Variants in COLGALT2 observed in about 807,000 individuals in gnomAD.
The protein encoded by COLGALT2 is procollagen galactosyltransferase 2.
A neutral mutation model predicts 73.4 loss-of-function variants in COLGALT2; 49 were observed. The ratio of observed to expected loss-of-function variants is 0.67; its 90% confidence interval spans 0.53 to 0.85. COLGALT2 has a LOEUF of 0.85. COLGALT2 is among the 40% of genes least tolerant of loss of function. The probability of loss-of-function intolerance (pLI) is 0.00; values close to 1 mark genes in which losing one functional copy is unlikely to be tolerated. For synonymous variants in COLGALT2, 295 were observed against 307.6 expected (o/e 0.96, Z 0.43); for missense variants, 722 against 790.2 (o/e 0.91, Z 1.03).
intron 1 of COLGALT2, among the ~76,000 whole-genome samples, chr1:184,009,379 A>G (rs1411073759): frequency 6.6e-6 from 1 of 152,224 alleles, no homozygotes; most frequent in Non-Finnish European, 1.5e-5. Context: ...AGGGTGAGGT[A>G]TAAGTACAAT....
chr1:184,032,761 G>C (rs888477209), intron 1 of COLGALT2, among the ~76,000 whole-genome samples: 4 of 152,150 alleles, frequency 2.6e-5, no homozygotes, highest in African/African-American at 9.7e-5. Flanking sequence ...CTTACCACTG[G>C]TGCTGAAAAA....
intron 1 of COLGALT2, among the ~76,000 whole-genome samples, chr1:184,032,811 G>C (rs556158510): frequency 6.6e-6 from 1 of 152,310 alleles, no homozygotes; most frequent in East Asian, 1.9e-4. Context: ...TAAACACAAA[G>C]TATATTAGTA....
chr1:183,950,086 A>G (rs1434936886), intron 8 of COLGALT2, among the ~76,000 whole-genome samples: 4 of 152,216 alleles, frequency 2.6e-5, no homozygotes, highest in African/African-American at 7.2e-5. Context: ...GATGTTTGGG[A>G]CAAATTTAAC....
intron 1 of COLGALT2, among the ~76,000 whole-genome samples, chr1:184,015,649 C>T (rs1029737112): frequency 6.6e-6 from 1 of 152,204 alleles, no homozygotes; most frequent in African/African-American, 2.4e-5. Flanking sequence ...TGAGATCCCA[C>T]GCAACAGATC....
chr1:183,938,652 G>A lies in COLGALT2; in HGVS notation c.*109C>T, dbSNP rs1380863584. ...ACTAGATCACTTTGGTTAGATGACT[G>A]TGACCACTAAGAACAAAACAAAACA... On this transcript the variant is annotated 3_prime_UTR_variant, in exon 12 of 12. Transcript: ENST00000361927. The A allele has an allele frequency of 6.7e-7, 1 of 1,489,024 alleles. No individual in the cohort carries two copies. Among genetic ancestry groups the A allele is most frequent in the African/African-American group, 1.4e-5 (1 of 71,422 alleles). 92.2% of individuals were successfully genotyped at this position (1,489,024 alleles called of 1,614,324 possible). A position where few individuals can be genotyped will look rare whatever the true frequency, so the allele number is the denominator to read the frequency against.
intron 1 of COLGALT2, among the ~76,000 whole-genome samples, chr1:183,992,000 T>C (rs1241348287): frequency 6.6e-6 from 1 of 152,132 alleles, no homozygotes; most frequent in Non-Finnish European, 1.5e-5. Context: ...AGCATATAGA[T>C]GTGTTGCTGT....
In COLGALT2 at chr1:183,938,892, C is replaced by A; in HGVS notation, c.1750G>T (p.Ala584Ser). 1 of 1,614,140 alleles carries A rather than the reference C, an allele frequency of 6.2e-7. No individual in the cohort carries two copies. Residue 584 changes from alanine (A) to serine (S), a missense_variant, in exon 12 of 12, where the codon GCC (alanine) becomes TCC (serine). By Grantham distance (99) the Ala-to-Ser change is moderately conservative. Coordinates refer to ENST00000361927, the MANE Select transcript of COLGALT2 (RefSeq NM_015101.4). Reference protein sequence around the residue: ...TSTIWDNETVATDWDRTHAWK... With the variant: ...TSTIWDNETVSTDWDRTHAWK... ...GCATGTGTCCTATCCCAGTCGGTGG[C>A]CACTGTCTCATTGTCCCAGATGGTG...
chr1:183,969,589 C>A (rs994685304), intron 4 of COLGALT2, 116 bp from the exon 5 acceptor site: 1 of 797,012 alleles, frequency 1.3e-6, no homozygotes, highest in South Asian at 2.3e-5. Flanking sequence ...AGCTCCCAAA[C>A]AAAGCCACCT....
chr1:184,004,051 C>T (rs1020104041), intron 1 of COLGALT2, among the ~76,000 whole-genome samples: 4 of 152,114 alleles, frequency 2.6e-5, no homozygotes, highest in Admixed American at 1.3e-4. Flanking sequence ...AGAAAACCAC[C>T]ACCATGCAGG....
intron 2 of COLGALT2, among the ~76,000 whole-genome samples, chr1:183,977,321 A>C (rs1671223238): frequency 6.6e-6 from 1 of 151,920 alleles, no homozygotes; most frequent in Non-Finnish European, 1.5e-5. Flanking sequence ...AATACAAAAA[A>C]ATAGCTGGGT....
chr1:184,018,007 G>A (rs1341163143), intron 1 of COLGALT2, among the ~76,000 whole-genome samples: 2 of 152,090 alleles, frequency 1.3e-5, no homozygotes, highest in Non-Finnish European at 2.9e-5. Context: ...AGCAAAAGAT[G>A]TTATAAATTG....
Position 184,036,793 on chromosome 1 carries a change from C to T in COLGALT2, c.263+302G>A, listed in dbSNP as rs140740641. On this transcript the variant is annotated intron_variant, in intron 1 of 11. Coordinates refer to ENST00000361927, the MANE Select transcript of COLGALT2 (RefSeq NM_015101.4). ...AACTGAAAGTCCCCTTGAGGGGTGT[C>T]CCCCATGCCCCTTGTGGGACAAAGC... Among the ~76,000 whole-genome samples the T allele has an allele frequency of 3.3e-3, 500 of 152,322 alleles. 11 individuals carry two copies. The highest frequency in any genetic ancestry group is 0.026 in the Admixed American group (391 of 15,306).
Position 183,938,902 on chromosome 1 carries a change from A to G in COLGALT2, c.1740T>C (p.Asn580=). ...TATCCCAGTCGGTGGCCACTGTCTC[A>G]TTGTCCCAGATGGTGGAGGTCTCCG... ...SDTETSTIWD[N]ETVATDWDRT... Residue 580 remains asparagine, a synonymous_variant, in exon 12 of 12, where the codon AAT becomes AAC. Coordinates refer to ENST00000361927, the MANE Select transcript of COLGALT2 (RefSeq NM_015101.4). 1 of 1,613,986 alleles carries G rather than the reference A, an allele frequency of 6.2e-7. No homozygotes were observed. The highest frequency in any genetic ancestry group is 8.5e-7 in the Non-Finnish European group (1 of 1,179,964).
chr1:183,969,326 C>T lies in COLGALT2; in HGVS notation c.775G>A (p.Asp259Asn), dbSNP rs779574494. ...DKLTFYPPHQ[D>N]YTWTFDDIIV... ...ATGTCATCAAAGGTCCAGGTGTAGT[C>T]CTGGTGTGGGGGGTAGAAAGTCAGC... Residue 259 changes from aspartate (D) to asparagine (N), a missense_variant, in exon 5 of 12, where the codon GAC becomes AAC. Coordinates refer to ENST00000361927, the MANE Select transcript of COLGALT2 (RefSeq NM_015101.4). 1 of 1,613,302 alleles carries T rather than the reference C, an allele frequency of 6.2e-7. No individual in the cohort carries two copies. Among genetic ancestry groups the T allele is most frequent in the Non-Finnish European group, 8.5e-7 (1 of 1,179,666 alleles).
chr1:183,970,391 C>T (rs1267197144), intron 4 of COLGALT2, among the ~76,000 whole-genome samples: 7 of 152,306 alleles, frequency 4.6e-5, no homozygotes, highest in Middle Eastern at 3.4e-3. Flanking sequence ...GCCAGCACTC[C>T]GAAGGGCACC....
At chr1:183,943,771 G>A (rs1670176719) in intron 10 of COLGALT2, among the ~76,000 whole-genome samples, 1 of 152,178 alleles carries the variant, frequency 6.6e-6, no homozygotes, top group Non-Finnish European at 1.5e-5. Flanking sequence ...AGCTGCAGAG[G>A]CAACCTGCTG....
At chr1:184,005,004 T>G (rs6424922) in intron 1 of COLGALT2, among the ~76,000 whole-genome samples, 2 of 151,718 alleles carry the variant, frequency 1.3e-5, no homozygotes, top group Non-Finnish European at 2.9e-5. Context: ...TGTCATTTCT[T>G]TTAACAAGGA....
chr1:183,954,737 A>C, intron 7 of COLGALT2, 25 bp downstream of exon 7: 1 of 1,556,020 alleles, frequency 6.4e-7, no homozygotes, highest in Non-Finnish European at 8.9e-7. Context: ...GTGCATGTGC[A>C]CACACATATA....
chr1:184,014,113 G>C (rs940968787), intron 1 of COLGALT2, among the ~76,000 whole-genome samples: 3 of 152,222 alleles, frequency 2.0e-5, no homozygotes, highest in Non-Finnish European at 2.9e-5. Flanking sequence ...AGAGAATAGA[G>C]AGTTGGGAGT....
Sources: allele counts gnomAD v4.1 joint callset (sites outside exome capture counted in the v4.1 genomes callset), GRCh38; gene constraint gnomAD v4.1.1; transcripts MANE v1.5; gene names NCBI Gene and HGNC (gene_info 2026-07-23, HGNC 2026-07-21).